The following SEC22C variants were observed in gnomAD, a reference collection of about 807,000 sequenced individuals.
The protein encoded by SEC22C is vesicle-trafficking protein SEC22c.
SEC22C carries 29 observed loss-of-function variants against 34.7 expected under a neutral mutation model. The observed-to-expected ratio is 0.84, with a 90% confidence interval of 0.62 to 1.14. SEC22C has a LOEUF of 1.14. SEC22C is among the 50% of genes most tolerant of loss of function. The pLI is 0.00. For synonymous variants in SEC22C, 117 were observed against 132.8 expected (o/e 0.88, Z 0.82); for missense variants, 337 against 369.0 (o/e 0.91, Z 0.71).
intron 1 of SEC22C, chr3:42,590,968 T>TGAGCATCCACGCGGGC (rs1704805279): frequency 2.4e-6 from 1 of 414,290 alleles, no homozygotes; most frequent in African/African-American, 3.3e-5. Flanking sequence ...ATCCAGCGGG[T>TGAGCATCCACGCGGGC]GAGCATCCAC....
chr3:42,576,754 C>A (rs1163268606), intron 1 of SEC22C, among the ~76,000 whole-genome samples: 1 of 150,802 alleles, frequency 6.6e-6, no homozygotes, highest in Non-Finnish European at 1.5e-5. Flanking sequence ...AATAAGCAAG[C>A]GAGTTTGTGG....
upstream of SEC22C, among the ~76,000 whole-genome samples, chr3:42,584,234 G>C (rs548839312): frequency 5.9e-5 from 9 of 152,272 alleles, no homozygotes; most frequent in African/African-American, 2.2e-4. Context: ...ACAGGTTGCA[G>C]GTCAATGTAG....
At chr3:42,580,508 T>C (rs1433159019) in intron 1 of SEC22C, 1 of 152,174 alleles carries the variant, frequency 6.6e-6, no homozygotes, top group East Asian at 1.9e-4. Flanking sequence ...CCAAGTTGCT[T>C]GGGGATGGAG....
In SEC22C at chr3:42,553,003, G is replaced by C. The variant is rs1289986202; in HGVS notation, c.*245C>G. 2 of 1,313,196 alleles carry C rather than the reference G, an allele frequency of 1.5e-6. No homozygotes were observed. The highest frequency in any genetic ancestry group is 1.9e-6 in the Non-Finnish European group (2 of 1,032,388). The allele number at this position is 1,313,196 out of a possible 1,614,324, so 81.3% of individuals were successfully genotyped here. A position where few individuals can be genotyped will look rare whatever the true frequency, so the allele number is the denominator to read the frequency against. On this transcript the variant is annotated 3_prime_UTR_variant, in exon 7 of 7. Coordinates refer to ENST00000264454, the MANE Select transcript of SEC22C (RefSeq NM_032970.4). The stretch of plus-strand genomic sequence containing the variant: ...CTTTCTGGATGAGCCCCCAGATCCA[G>C]CTGTCCTAGGTAAACGTGCTGAACT...
At chr3:42,579,086 T>A (rs887890039) in intron 1 of SEC22C, among the ~76,000 whole-genome samples, 2 of 152,148 alleles carry the variant, frequency 1.3e-5, no homozygotes, top group Non-Finnish European at 2.9e-5. Flanking sequence ...GAGAACAGCC[T>A]GACCAACATG....
At chr3:42,565,425 A>C (rs1703175936) in intron 2 of SEC22C, among the ~76,000 whole-genome samples, 1 of 152,166 alleles carries the variant, frequency 6.6e-6, no homozygotes, top group Non-Finnish European at 1.5e-5. Context: ...TCTAGGATGG[A>C]GGTGTTTCTA....
Position 42,570,062 on chromosome 3 carries a change from TCTA to T in SEC22C, c.-27-992_-27-990del, listed in dbSNP as rs545593656. Among the ~76,000 whole-genome samples, 3 of 152,336 alleles carry T rather than the reference TCTA, an allele frequency of 2.0e-5. No individual in the cohort carries two copies. In the East Asian group the frequency reaches 5.8e-4, roughly 29 times the overall value. On this transcript the variant is annotated intron_variant, in intron 1 of 6. Transcript: ENST00000264454. Reference sequence around the variant, plus strand: ...ACAAATCCTCTACTTGACAGGATCCTCTACTATCAGGCCCTTTACTTGATAGGA... The same window carrying T: ...ACAAATCCTCTACTTGACAGGATCCTCTATCAGGCCCTTTACTTGATAGGA...
chr3:42,563,027 C>T (rs544799761), intron 3 of SEC22C, among the ~76,000 whole-genome samples: 5 of 152,258 alleles, frequency 3.3e-5, no homozygotes, highest in African/African-American at 1.2e-4. Flanking sequence ...TGGTAAACAC[C>T]CTTTGAGCAG....
In SEC22C at chr3:42,550,031, G is replaced by A; in HGVS notation, c.*3217C>T. Reference sequence around the variant, plus strand: ...TACACTTCTCATCACAGTAAGACTAGCCTAACAGGGGAAAACAGATTTACA... The same window carrying A: ...TACACTTCTCATCACAGTAAGACTAACCTAACAGGGGAAAACAGATTTACA... On this transcript the variant is annotated 3_prime_UTR_variant, in exon 7 of 7. Transcript: ENST00000264454. 2 of 985,432 alleles carry A rather than the reference G, an allele frequency of 2.0e-6. No homozygotes were observed. Among genetic ancestry groups the A allele is most frequent in the Non-Finnish European group, 2.4e-6 (2 of 829,942 alleles). 61.0% of individuals were successfully genotyped at this position (985,432 alleles called of 1,614,324 possible).
chr3:42,564,212 A>T (rs1322914657), intron 2 of SEC22C: 1 of 239,156 alleles, frequency 4.2e-6, no homozygotes, highest in African/African-American at 2.3e-5. Context: ...TGTGGTATTT[A>T]GGTTATTTTG....
intron 2 of SEC22C, 101 bp downstream of exon 2, chr3:42,568,764 C>T (rs1046649116): frequency 6.2e-6 from 6 of 962,248 alleles, no homozygotes; most frequent in Admixed American, 2.2e-5. Context: ...GCTAGATCTA[C>T]TTTTAATACA....
At chr3:42,600,537 G>C (rs952191565) in intron 1 of SEC22C, 3 of 151,196 alleles carry the variant, frequency 2.0e-5, no homozygotes, top group African/African-American at 7.3e-5. Flanking sequence ...GAGCTCCCCA[G>C]ACACGCCCCC....
chr3:42,548,349 G>T lies in SEC22C; in HGVS notation c.*4899C>A. 2.0e-6 allele frequency: 1 copy of T among 494,886 alleles called. No homozygotes were observed. The highest frequency in any genetic ancestry group is 3.6e-6 in the Non-Finnish European group (1 of 274,314). 30.7% of individuals were successfully genotyped at this position (494,886 alleles called of 1,614,324 possible). The stretch of plus-strand genomic sequence containing the variant: ...ACCCCAGAATCATATAAATGTAAGG[G>T]TTAAAGGTCATATGTACTAAGCATG... On this transcript the variant is annotated 3_prime_UTR_variant, in exon 7 of 7. Coordinates refer to ENST00000264454, the MANE Select transcript of SEC22C (RefSeq NM_032970.4).
intron 1 of SEC22C, among the ~76,000 whole-genome samples, chr3:42,575,440 A>C (rs1703900341): frequency 6.6e-6 from 1 of 152,236 alleles, no homozygotes; most frequent in Non-Finnish European, 1.5e-5. Context: ...GATGGAAAAA[A>C]TATAGCATGC....
At chr3:42,594,335 C>T in intron 1 of SEC22C, 11 of 989,948 alleles carry the variant, frequency 1.1e-5, no homozygotes, top group Non-Finnish European at 1.8e-5. Context: ...TGAGCCATTC[C>T]ACTAGAGTGG....
intron 1 of SEC22C, among the ~76,000 whole-genome samples, chr3:42,592,145 T>G (rs1344265663): frequency 1.3e-5 from 2 of 152,154 alleles, no homozygotes; most frequent in Non-Finnish European, 2.9e-5. Context: ...TGAGAGAAAA[T>G]AGAGTCTGAG....
intron 1 of SEC22C, among the ~76,000 whole-genome samples, chr3:42,577,295 T>C (rs553321378): frequency 2.0e-4 from 30 of 152,276 alleles, no homozygotes; most frequent in Non-Finnish European, 2.9e-4. Context: ...TTTGCTTCTC[T>C]AGGAAAGCCC....
intron 1 of SEC22C, among the ~76,000 whole-genome samples, chr3:42,570,056 G>A (rs1306422402): frequency 6.6e-6 from 1 of 152,152 alleles, no homozygotes; most frequent in Non-Finnish European, 1.5e-5. Context: ...CTACTTGACA[G>A]GATCCTCTAC....
Position 42,565,627 on chromosome 3 carries a change from G to C in SEC22C, c.183-1941C>G, listed in dbSNP as rs75588273. 274 of 245,246 alleles carry C rather than the reference G, an allele frequency of 1.1e-3. 1 individual carries two copies. Among genetic ancestry groups the C allele is most frequent in the African/African-American group, 5.9e-3 (256 of 43,280 alleles). 15.2% of individuals were successfully genotyped at this position (245,246 alleles called of 1,614,324 possible). A position where few individuals can be genotyped will look rare whatever the true frequency, so the allele number is the denominator to read the frequency against. On this transcript the variant is annotated intron_variant, in intron 2 of 6. Transcript: ENST00000264454. ...AATTTGGACACAGAGACAGAAGGAA[G>C]AAGACCATGCAACCATGGAGACAGA...
Sources: gnomAD v4.1 joint callset for allele counts (sites outside exome capture counted in the v4.1 genomes callset) on GRCh38, gnomAD v4.1.1 for gene constraint, MANE v1.5 for transcripts, NCBI Gene and HGNC (gene_info 2026-07-23, HGNC 2026-07-21) for gene names.